The following WWP2 variants were observed in gnomAD, a reference collection of about 807,000 sequenced individuals.
The protein encoded by WWP2 is WW domain containing E3 ubiquitin protein ligase 2.
A neutral mutation model predicts 121.0 loss-of-function variants in WWP2; 57 were observed. The ratio of observed to expected loss-of-function variants is 0.47; its 90% CI spans 0.38 to 0.59. The LOEUF is 0.59. WWP2 is among the 20% of genes least tolerant of loss of function. The probability of loss-of-function intolerance (pLI) is 0.00; values close to 1 mark genes in which losing one functional copy is unlikely to be tolerated. For missense variants in WWP2, 962 were observed against 1,158.9 expected (o/e 0.83, Z 2.47); for synonymous variants, 449 against 441.3 (o/e 1.02, Z -0.22).
chr16:69,793,781 C>T (rs1236430722), intron 2 of WWP2, among the ~76,000 whole-genome samples: 1 of 151,932 alleles, frequency 6.6e-6, no homozygotes, highest in African/African-American at 2.4e-5. Flanking sequence ...GACTCCTGAG[C>T]AGTAAGGGAT....
At chr16:69,771,995 C>T (rs954330114) in intron 1 of WWP2, among the ~76,000 whole-genome samples, 3 of 100,346 alleles carry the variant, frequency 3.0e-5, no homozygotes, top group African/African-American at 1.2e-4. Context: ...GAGTCTTGCT[C>T]TTGTTGCCCA....
At chr16:69,906,812 A>G (rs1452866825) in intron 8 of WWP2, among the ~76,000 whole-genome samples, 1 of 152,186 alleles carries the variant, frequency 6.6e-6, no homozygotes, top group Non-Finnish European at 1.5e-5. Context: ...CCCAAGAATC[A>G]GAGGCTGTAG....
intron 8 of WWP2, among the ~76,000 whole-genome samples, chr16:69,902,943 A>G (rs1009510301): frequency 6.6e-6 from 1 of 152,294 alleles, no homozygotes; most frequent in African/African-American, 2.4e-5. Flanking sequence ...TCTGTGAGAA[A>G]GGGAGGCAGG....
chr16:69,763,656 G>A (rs1024605785), intron 1 of WWP2, among the ~76,000 whole-genome samples: 1 of 152,234 alleles, frequency 6.6e-6, no homozygotes, highest in Admixed American at 6.5e-5. Flanking sequence ...AGACTTACGA[G>A]AGACGACTTG....
At chr16:69,828,069 CT>C (rs576830178) in intron 4 of WWP2, 3,743 of 298,246 alleles carry the variant, frequency 0.013, no homozygotes, top group South Asian at 0.022. Flanking sequence ...TGCATATGTA[CT>C]TTTTTTTTTA....
chr16:69,931,688 G>A, intron 15 of WWP2, 108 bp downstream of exon 15: 1 of 1,571,204 alleles, frequency 6.4e-7, no homozygotes, highest in Non-Finnish European at 8.8e-7. Context: ...TCCAGGGCGT[G>A]AGTCTTGGTG....
chr16:69,853,557 TGCAGTGCGTCAGG>T (rs2057256917), intron 6 of WWP2, among the ~76,000 whole-genome samples: 1 of 152,182 alleles, frequency 6.6e-6, no homozygotes, highest in Non-Finnish European at 1.5e-5. Context: ...TTCTAGGCCC[TGCAGTGCGTCAGG>T]GCGGGCATAT....
chr16:69,782,589 GAA>G (rs2055687257), intron 1 of WWP2, among the ~76,000 whole-genome samples: 1 of 152,206 alleles, frequency 6.6e-6, no homozygotes, highest in African/African-American at 2.4e-5. Context: ...CTCTTGATAA[GAA>G]GAGTTTGGTG....
chr16:69,930,482 A>G (rs2058695963), intron 13 of WWP2, among the ~76,000 whole-genome samples: 1 of 152,204 alleles, frequency 6.6e-6, no homozygotes, highest in Non-Finnish European at 1.5e-5. Context: ...TGTCTCCACA[A>G]CAATAAAAAA....
chr16:69,783,780 T>TACTACAACAACAACAACA (rs141968687), intron 1 of WWP2, among the ~76,000 whole-genome samples: 4 of 149,710 alleles, frequency 2.7e-5, no homozygotes, highest in East Asian at 2.0e-4. Context: ...ACCTTGTTTC[T>TACTACAACAACAACAACA]ACAACAACAA....
At chr16:69,930,356 G>A (rs2058694561) in intron 13 of WWP2, 98 bp downstream of exon 13, 1 of 1,538,818 alleles carries the variant, frequency 6.5e-7, no homozygotes, top group Non-Finnish European at 8.8e-7. Flanking sequence ...CCCCTGTGGT[G>A]CGTTCTACTG....
intron 6 of WWP2, among the ~76,000 whole-genome samples, chr16:69,871,157 T>C (rs1324584930): frequency 6.6e-6 from 1 of 152,006 alleles, no homozygotes; most frequent in African/African-American, 2.4e-5. Context: ...TGGTGCTGTG[T>C]GCCTATAGTC....
At chr16:69,801,779 TC>T (rs2056172773) in intron 4 of WWP2, among the ~76,000 whole-genome samples, 1 of 152,138 alleles carries the variant, frequency 6.6e-6, no homozygotes, top group South Asian at 2.1e-4. Context: ...TTTTTTCCCC[TC>T]AGATCCTTGT....
intron 6 of WWP2, among the ~76,000 whole-genome samples, chr16:69,850,191 C>A (rs2057177154): frequency 6.6e-6 from 1 of 152,062 alleles, no homozygotes; most frequent in African/African-American, 2.4e-5. Flanking sequence ...TTGAGACCAT[C>A]CTGGCTAACA....
intron 10 of WWP2, 34 bp downstream of exon 10, chr16:69,917,917 C>A: frequency 6.3e-7 from 1 of 1,588,040 alleles, no homozygotes; most frequent in South Asian, 1.1e-5. Flanking sequence ...GAGGTGGGGC[C>A]GCCTCCCTGC....
At chr16:69,829,247 C>T (rs565687589) in intron 4 of WWP2, among the ~76,000 whole-genome samples, 12 of 152,194 alleles carry the variant, frequency 7.9e-5, no homozygotes, top group Admixed American at 1.3e-4. Flanking sequence ...GTCTGCTCTG[C>T]CTGTTTCTGT....
intron 7 of WWP2, among the ~76,000 whole-genome samples, chr16:69,880,116 A>ATG (rs1277845587): frequency 6.0e-5 from 9 of 150,858 alleles, no homozygotes; most frequent in Admixed American, 2.0e-4. Flanking sequence ...ATAGTGTTAT[A>ATG]TGTGTCACTA....
intron 8 of WWP2, among the ~76,000 whole-genome samples, chr16:69,899,751 A>AT (rs2058171484): frequency 6.6e-6 from 1 of 150,540 alleles, no homozygotes; most frequent in African/African-American, 2.5e-5. Flanking sequence ...AAAAAAAAAA[A>AT]TCAAGTTGTG....
At chr16:69,912,277 G>A (rs2058389385) in intron 9 of WWP2, among the ~76,000 whole-genome samples, 1 of 151,070 alleles carries the variant, frequency 6.6e-6, no homozygotes, top group African/African-American at 2.4e-5. Flanking sequence ...GGACGACAGA[G>A]CGAGACTCCA....
Sources: gnomAD v4.1 joint callset for allele counts (sites outside exome capture counted in the v4.1 genomes callset) on GRCh38, gnomAD v4.1.1 for gene constraint, MANE v1.5 for transcripts, NCBI Gene and HGNC (gene_info 2026-07-23, HGNC 2026-07-21) for gene names.